The following ZMAT1 variants were observed in gnomAD, a reference collection of about 807,000 sequenced individuals.
The protein encoded by ZMAT1 is zinc finger matrin-type protein 1.
A neutral mutation model predicts 18.5 loss-of-function variants in ZMAT1; 11 were observed. The ratio of observed to expected loss-of-function variants is 0.59; its 90% confidence interval spans 0.37 to 0.98. The LOEUF is 0.98. ZMAT1 is among the 50% of genes least tolerant of loss of function. The pLI, the probability that ZMAT1 is intolerant of heterozygous loss-of-function variation, is 0.01. For synonymous variants in ZMAT1, 211 were observed against 176.4 expected (o/e 1.20, Z -1.55); for missense variants, 525 against 496.2 (o/e 1.06, Z -0.55).
At chrX:101,910,336 T>C (rs1223977531) in intron 1 of ZMAT1, among the ~76,000 whole-genome samples, 1 of 111,996 alleles carries the variant, frequency 8.9e-6, no homozygotes, top group Non-Finnish European at 1.9e-5. Flanking sequence ...GAAGACTACA[T>C]TAAATGCCTA....
In ZMAT1 at chrX:101,931,857, G is replaced by A; in HGVS notation, c.152C>T (p.Ser51Phe). Reference protein sequence around the residue: ...AAAAVIVPASSATSAPACPPA... With the variant: ...AAAAVIVPASFATSAPACPPA... Reference sequence around the variant, plus strand: ...CGGGCAGGCAGGGGCGGAGGTGGCGGAGGAGGCAGGAACAATTACTGCCGC... The same window carrying A: ...CGGGCAGGCAGGGGCGGAGGTGGCGAAGGAGGCAGGAACAATTACTGCCGC... The change falls in exon 1 of 6, where the codon TCC becomes TTC. Residue 51 changes from serine to phenylalanine, a missense_variant. Physicochemically the swap from Ser to Phe is radical, Grantham distance 155. Coordinates refer to ENST00000651725, the MANE Select transcript of ZMAT1 (RefSeq NM_001394560.1). The A allele has an allele frequency of 1.3e-6, 1 of 792,851 alleles. No homozygotes were observed. The highest frequency in any genetic ancestry group is 1.5e-6 in the Non-Finnish European group (1 of 667,616). 65.3% of individuals were successfully genotyped at this position (792,851 alleles called of 1,213,427 possible).
At chrX:101,912,949 T>C (rs1299254470) in intron 1 of ZMAT1, among the ~76,000 whole-genome samples, 9 of 111,791 alleles carry the variant, frequency 8.1e-5, no homozygotes, top group African/African-American at 2.9e-4. Flanking sequence ...AACACAGATA[T>C]TTGTTTTACA....
chrX:101,916,427 A>C (rs1490225967), intron 1 of ZMAT1, among the ~76,000 whole-genome samples: 1 of 111,898 alleles, frequency 8.9e-6, no homozygotes, highest in Non-Finnish European at 1.9e-5. Context: ...AAAATAATCC[A>C]ATTTACAATA....
At chrX:101,911,996 T>C in intron 1 of ZMAT1, 1 of 1,188,726 alleles carries the variant, frequency 8.4e-7, no homozygotes, top group African/African-American at 1.8e-5. Context: ...AGAGAAGCCA[T>C]ATGTGTGCAG....
At chrX:101,924,299 A>G (rs772014763) in intron 1 of ZMAT1, among the ~76,000 whole-genome samples, 134 of 110,832 alleles carry the variant, frequency 1.2e-3, no homozygotes, top group Non-Finnish European at 2.2e-3. Flanking sequence ...TTTAGTAGAG[A>G]TGGGGTTTCA....
chrX:101,916,540 A>C (rs1480403110), intron 1 of ZMAT1, among the ~76,000 whole-genome samples: 1 of 111,973 alleles, frequency 8.9e-6, no homozygotes, highest in Non-Finnish European at 1.9e-5. Context: ...TGAAGAGGAC[A>C]CCAAAAAATA....
At position 101,920,260 on chromosome X, in the gene ZMAT1, A is replaced by T. The variant is rs539558806; in HGVS notation, c.292+11457T>A. Among the ~76,000 whole-genome samples, 6 of 110,455 alleles carry T rather than the reference A, an allele frequency of 5.4e-5. No homozygotes were observed. In the South Asian group the frequency reaches 2.3e-3, roughly 43 times the overall value. ...CACCATGTTGCCTAGGCTGGTCTCAAACTCCTGGGCTGAAATAATCTGCCT... is the reference window on the plus strand; with the variant it reads ...CACCATGTTGCCTAGGCTGGTCTCATACTCCTGGGCTGAAATAATCTGCCT... On this transcript the variant is annotated intron_variant, in intron 1 of 5. Coordinates refer to ENST00000651725, the MANE Select transcript of ZMAT1 (RefSeq NM_001394560.1).
chrX:101,895,191 C>T (rs1480368022), intron 4 of ZMAT1, among the ~76,000 whole-genome samples: 2 of 111,716 alleles, frequency 1.8e-5, no homozygotes, highest in Non-Finnish European at 3.8e-5. Context: ...TTTACACGCT[C>T]GCTCCTTTAG....
rs1407216880 is a variant in ZMAT1, at chrX:101,931,979, C to T, written c.30G>A (p.Pro10=). 5.2e-6 allele frequency: 4 copies of T among 770,548 alleles called. No homozygotes were observed. Among genetic ancestry groups the T allele is most frequent in the Admixed American group, 8.6e-5 (1 of 11,689 alleles). The allele number at this position is 770,548 out of a possible 1,213,427, so 63.5% of individuals were successfully genotyped here. A position where few individuals can be genotyped will look rare whatever the true frequency, so the allele number is the denominator to read the frequency against. Residue 10 remains proline, a synonymous_variant, in exon 1 of 6, where the codon CCG becomes CCA. Coordinates refer to ENST00000651725, the MANE Select transcript of ZMAT1 (RefSeq NM_001394560.1). ...CCTGAGGGGAAGACTCCGCCGCCAG[C>T]GGGGTGACTGTGCTCGGCGCCGCCG... MAAAPSTVT[P]LAAESSPQEA...
intron 1 of ZMAT1, among the ~76,000 whole-genome samples, chrX:101,918,327 C>T (rs764731192): frequency 1.2e-4 from 13 of 110,303 alleles, no homozygotes; most frequent in Admixed American, 9.7e-5. Context: ...AAGTAAAGGC[C>T]GGGCATGGTG....
intron 4 of ZMAT1, among the ~76,000 whole-genome samples, chrX:101,896,108 A>C (rs946000521): frequency 8.9e-6 from 1 of 111,856 alleles, no homozygotes; most frequent in Non-Finnish European, 1.9e-5. Flanking sequence ...AGAAGGAAGT[A>C]GTATTCTGTA....
At chrX:101,888,696 C>T (rs757556123) in intron 4 of ZMAT1, 2 of 111,598 alleles carry the variant, frequency 1.8e-5, no homozygotes, top group Non-Finnish European at 3.8e-5. Flanking sequence ...CACAAATTCA[C>T]AAATGTTCTT....
At chrX:101,928,380 T>TG (rs1930183899) in intron 1 of ZMAT1, among the ~76,000 whole-genome samples, 1 of 112,092 alleles carries the variant, frequency 8.9e-6, no homozygotes, top group South Asian at 3.7e-4. Flanking sequence ...TTGTTTGAGA[T>TG]GGGGCATCGC....
At chrX:101,886,294 G>A (rs1326804968) in intron 5 of ZMAT1, among the ~76,000 whole-genome samples, 1 of 111,485 alleles carries the variant, frequency 9.0e-6, no homozygotes. Context: ...TGGTGACTGG[G>A]TCACTGAATC....
At chrX:101,919,715 A>G (rs779213008) in intron 1 of ZMAT1, among the ~76,000 whole-genome samples, 6 of 111,903 alleles carry the variant, frequency 5.4e-5, no homozygotes, top group Non-Finnish European at 1.1e-4. Flanking sequence ...ACTTTAAAAG[A>G]TATGTAAAAT....
rs771032732 is a variant in ZMAT1 at position 101,929,423 on chromosome X, TTATATATATATATA to T, written c.292+2280_292+2293del. ...TATATATTCTATATATAGAGAGAGA[TTATATATATATATA>T]TATATATATATATATATATACACAC... On this transcript the variant is annotated intron_variant, in intron 1 of 5. Transcript: ENST00000651725. Among the ~76,000 whole-genome samples the T allele has an allele frequency of 1.3e-3, 96 of 71,297 alleles. 1 individual carries two copies. Among genetic ancestry groups the T allele is most frequent in the African/African-American group, 3.8e-3 (81 of 21,501 alleles). 61.9% of individuals were successfully genotyped at this position (71,297 alleles called of 115,157 possible).
rs139743406 is a variant in ZMAT1, at chrX:101,911,670, A to T, written c.293-7340T>A. The T allele has an allele frequency of 1.7e-3, 2,029 of 1,205,333 alleles. 23 individuals carry two copies. In the African/African-American group the frequency reaches 0.032, roughly 19 times the overall value. On this transcript the variant is annotated intron_variant, in intron 1 of 5. Coordinates refer to ENST00000651725, the MANE Select transcript of ZMAT1 (RefSeq NM_001394560.1). ...GGGAGAAGCCAGCCCTACGAATGCA[A>T]CCAGTGTGGCAGAGCCTTCAGCCAG...
chrX:101,930,381 G>C (rs1422528413), intron 1 of ZMAT1, among the ~76,000 whole-genome samples: 1 of 112,487 alleles, frequency 8.9e-6, no homozygotes, highest in Non-Finnish European at 1.9e-5. Context: ...TTTAGTAAGA[G>C]AGTTGATAAA....
chrX:101,912,775 T>C (rs1188329359), intron 1 of ZMAT1, among the ~76,000 whole-genome samples: 1 of 112,025 alleles, frequency 8.9e-6, no homozygotes, highest in African/African-American at 3.2e-5. Context: ...TTTTTAGTTA[T>C]CCCTGCATTA....
Sources: gnomAD v4.1 joint callset for allele counts (sites outside exome capture counted in the v4.1 genomes callset) on GRCh38, gnomAD v4.1.1 for gene constraint, MANE v1.5 for transcripts, NCBI Gene and HGNC (gene_info 2026-07-23, HGNC 2026-07-21) for gene names.